The following DNAH9 variants were observed in gnomAD, a reference collection of about 807,000 sequenced individuals.
The protein encoded by DNAH9 is DNAH9 variant protein.
A neutral mutation model predicts 471.6 loss-of-function variants in DNAH9; 345 were observed. The ratio of observed to expected loss-of-function variants is 0.73; its 90% confidence interval spans 0.67 to 0.80. The LOEUF is 0.80. Ranked by LOEUF, DNAH9 falls within the 30% of genes least tolerant of loss-of-function variation. The pLI is 0.00. For missense variants in DNAH9, 5,407 were observed against 5,609.2 expected, an observed-to-expected ratio of 0.96 and a Z score of 1.15; for synonymous variants, 2,093 against 2,123.6, an observed-to-expected ratio of 0.99 and a Z score of 0.40.
intron 43 of DNAH9, among the ~76,000 whole-genome samples, chr17:11,800,449 T>C (rs993959767): frequency 3.3e-5 from 5 of 152,070 alleles, no homozygotes; most frequent in African/African-American, 1.2e-4. Context: ...ATTATATGCA[T>C]CAGCATACAA....
chr17:11,664,934 T>G lies in DNAH9; in HGVS notation c.2697T>G (p.Ile899Met). The G allele has an allele frequency of 6.2e-7, 1 of 1,613,658 alleles. No individual in the cohort carries two copies. Among genetic ancestry groups the G allele is most frequent in the Non-Finnish European group, 8.5e-7 (1 of 1,179,598 alleles). Residue 899 changes from isoleucine (I) to methionine (M), a missense_variant, in exon 15 of 69, where the codon ATT (isoleucine) becomes ATG (methionine). Ile to Met is a conservative substitution (Grantham distance 10). Transcript: ENST00000262442. ...NLLLNGFFLA[I>M]ECSLKYLLEN... is the part of the protein sequence containing the mutation. Reference sequence around the variant, plus strand: ...TGCTGAATGGATTCTTTCTTGCCATTGAGTGCTCCCTCAAGTATCTTCTGG... The same window carrying G: ...TGCTGAATGGATTCTTTCTTGCCATGGAGTGCTCCCTCAAGTATCTTCTGG...
Position 11,953,685 on chromosome 17 carries a change from G to A in DNAH9, c.12844-8182G>A, listed in dbSNP as rs117539372. On this transcript the variant is annotated intron_variant, in intron 67 of 68. Coordinates refer to ENST00000262442, the MANE Select transcript of DNAH9 (RefSeq NM_001372.4). Reference sequence around the variant, plus strand: ...AAATTAGCCAGGCGTGGTGGCAGGCGCCTGTAGAGCTTGCAGTGAGTGGAG... The same window carrying A: ...AAATTAGCCAGGCGTGGTGGCAGGCACCTGTAGAGCTTGCAGTGAGTGGAG... Among the ~76,000 whole-genome samples the A allele has an allele frequency of 5.9e-3, 881 of 149,440 alleles. 55 individuals are homozygous for A. The East Asian group carries it at 0.15, about 26-fold the overall frequency.
At chr17:11,825,663 C>G (rs531036936) in intron 48 of DNAH9, among the ~76,000 whole-genome samples, 2 of 152,154 alleles carry the variant, frequency 1.3e-5, no homozygotes, top group Non-Finnish European at 2.9e-5. Context: ...TGCCAGGAGC[C>G]AGCACAGGTT....
At position 11,784,290 on chromosome 17, in the gene DNAH9, T is replaced by G; in HGVS notation, c.7822-10T>G. On this transcript the variant is annotated splice_polypyrimidine_tract_variant and intron_variant, in intron 40 of 68. Coordinates refer to ENST00000262442, the MANE Select transcript of DNAH9 (RefSeq NM_001372.4). ...CGGATGTTGAGCTCATGCCTTTGTT[T>G]CCTGTACAGCGTCACTTCAGCGTGT... is the stretch of plus-strand genomic sequence containing the variant. 6.2e-7 allele frequency: 1 copy of G among 1,613,774 alleles called. No homozygotes were observed. The highest frequency in any genetic ancestry group is 8.5e-7 in the Non-Finnish European group (1 of 1,179,638).
At position 11,883,578 on chromosome 17, in the gene DNAH9, A is replaced by G. The variant is rs1297817894; in HGVS notation, c.10807-8A>G. 4 of 1,613,764 alleles carry G rather than the reference A, an allele frequency of 2.5e-6. No homozygotes were observed. The highest frequency in any genetic ancestry group is 3.4e-6 in the Non-Finnish European group (4 of 1,179,798). ...TGCACCTGACTGTCTCTTGCTTGATATTTGCAGTCCGATCTCACAAAGCAG... is the reference window on the plus strand; with the variant it reads ...TGCACCTGACTGTCTCTTGCTTGATGTTTGCAGTCCGATCTCACAAAGCAG... On this transcript the variant is annotated splice_polypyrimidine_tract_variant and splice_region_variant and intron_variant, in intron 55 of 68. Transcript: ENST00000262442.
chr17:11,677,734 A>G lies in DNAH9; in HGVS notation c.3354-2023A>G, dbSNP rs575621001. Among the ~76,000 whole-genome samples the G allele has an allele frequency of 2.6e-5, 4 of 151,836 alleles. No homozygotes were observed. In the South Asian group the frequency reaches 6.3e-4, roughly 24 times the overall value. ...CTTCCTTTTTTGTCTGCTTTGGGGT[A>G]TAATTTTTCATGTTTTCTTTTATTT... On this transcript the variant is annotated intron_variant, in intron 17 of 68. Coordinates refer to ENST00000262442, the MANE Select transcript of DNAH9 (RefSeq NM_001372.4).
chr17:11,934,926 G>A lies in DNAH9; in HGVS notation c.12489+855G>A, dbSNP rs140283736. On this transcript the variant is annotated intron_variant, in intron 65 of 68. Transcript: ENST00000262442. ...GTGGCTATGAACACAGGCACATACC[G>A]CATACGTATGCCACAGTCAGCATTC... 1.8e-3 allele frequency among the ~76,000 whole-genome samples: 275 copies of A among 152,206 alleles called. 1 individual carries two copies. In the Middle Eastern group the frequency reaches 0.02, roughly 11 times the overall value.
chr17:11,702,908 C>T (rs1029809166), intron 24 of DNAH9, among the ~76,000 whole-genome samples: 4 of 151,840 alleles, frequency 2.6e-5, no homozygotes, highest in East Asian at 3.9e-4. Context: ...CTGCCTAACA[C>T]GGTGAAACCC....
At chr17:11,738,236 C>T (rs2075378931) in intron 28 of DNAH9, among the ~76,000 whole-genome samples, 1 of 151,600 alleles carries the variant, frequency 6.6e-6, no homozygotes, top group Non-Finnish European at 1.5e-5. Flanking sequence ...GTGGTCAGAA[C>T]TGTGTCCGGC....
chr17:11,922,177 C>T (rs146782805), intron 61 of DNAH9, among the ~76,000 whole-genome samples: 2 of 152,296 alleles, frequency 1.3e-5, no homozygotes, highest in African/African-American at 4.8e-5. Flanking sequence ...CTGTACATTT[C>T]AATGACAGTC....
intron 63 of DNAH9, 36 bp downstream of exon 63, chr17:11,930,129 A>C: frequency 1.3e-6 from 2 of 1,558,162 alleles, no homozygotes; most frequent in Non-Finnish European, 8.8e-7. Flanking sequence ...ACAGCAGCAC[A>C]CCTCACAGTC....
In DNAH9 at chr17:11,690,217, TGAG is replaced by T; in HGVS notation, c.4398_4400del (p.Glu1466del). On this transcript the variant is annotated inframe_deletion, in exon 20 of 69. Transcript: ENST00000262442. ...CCAATGTCCCCCTCCTGTGCTCTGA[TGAG>T]GACCTCATAGAGGTTCTGGAGGATA... is the stretch of plus-strand genomic sequence containing the variant. The T allele has an allele frequency of 1.9e-6, 3 of 1,614,168 alleles. No homozygotes were observed. Among genetic ancestry groups the T allele is most frequent in the Non-Finnish European group, 2.5e-6 (3 of 1,179,990 alleles).
chr17:11,830,657 G>T (rs4534890), intron 48 of DNAH9, among the ~76,000 whole-genome samples: 2 of 152,026 alleles, frequency 1.3e-5, no homozygotes, highest in Non-Finnish European at 2.9e-5. Context: ...ACATGATGTC[G>T]TTATCAAGAC....
Position 11,632,627 on chromosome 17 carries a change from A to C in DNAH9, c.1559A>C (p.Glu520Ala), listed in dbSNP as rs780683544. 6.2e-7 allele frequency: 1 copy of C among 1,609,268 alleles called. No homozygotes were observed. The highest frequency in any genetic ancestry group is 8.5e-7 in the Non-Finnish European group (1 of 1,175,536). The change falls in exon 8 of 69, where the codon GAA (glutamate) becomes GCA (alanine). Residue 520 changes from glutamate (E) to alanine (A), a missense_variant. Transcript: ENST00000262442. ...GTCTCTGAATTTAACCAGAAAGTAG[A>C]AGATCTTGACCGAAGATTGGGGACT... ...NDVSEFNQKV[E>A]DLDRRLGTIF...
At chr17:11,611,620 C>T (rs1432291987) in intron 3 of DNAH9, 30 bp from the exon 4 acceptor site, 1 of 1,609,570 alleles carries the variant, frequency 6.2e-7, no homozygotes, top group Non-Finnish European at 8.5e-7. Context: ...TGATGCTTCC[C>T]TGGATTCACC....
At chr17:11,935,125 C>G (rs1004183908) in intron 65 of DNAH9, among the ~76,000 whole-genome samples, 4 of 151,346 alleles carry the variant, frequency 2.6e-5, no homozygotes, top group Non-Finnish European at 5.9e-5. Context: ...CCACCACACC[C>G]GGTTTTTGTA....
chr17:11,699,371 C>T (rs1373011590), intron 22 of DNAH9, among the ~76,000 whole-genome samples: 1 of 152,200 alleles, frequency 6.6e-6, no homozygotes, highest in Non-Finnish European at 1.5e-5. Flanking sequence ...TTGCTCATGT[C>T]CTGTACCATG....
intron 48 of DNAH9, among the ~76,000 whole-genome samples, chr17:11,834,144 C>T (rs755335587): frequency 4.6e-5 from 7 of 151,892 alleles, no homozygotes; most frequent in Non-Finnish European, 7.4e-5. Flanking sequence ...GCCTGACCAA[C>T]ATGGTGAAAC....
At chr17:11,899,181 T>A (rs867197979) in intron 59 of DNAH9, among the ~76,000 whole-genome samples, 13 of 66,878 alleles carry the variant, frequency 1.9e-4, no homozygotes, top group Non-Finnish European at 5.1e-4. Flanking sequence ...GACATGATTT[T>A]TTAAAAAAAA....
Sources: allele counts gnomAD v4.1 joint callset (sites outside exome capture counted in the v4.1 genomes callset), GRCh38; gene constraint gnomAD v4.1.1; transcripts MANE v1.5; gene names NCBI Gene and HGNC (gene_info 2026-07-23, HGNC 2026-07-21).